The following RNPC3 variants were observed in gnomAD, a reference collection of about 807,000 sequenced individuals.
RNPC3 encodes the protein RNA binding region (RNP1, RRM) containing 3.
RNPC3 carries 48 observed loss-of-function variants against 67.5 expected under a neutral mutation model. The observed-to-expected ratio is 0.71, with a 90% CI of 0.56 to 0.90. The LOEUF (loss-of-function observed/expected upper bound fraction) is 0.90. Ranked by LOEUF, RNPC3 falls within the 40% of genes least tolerant of loss-of-function variation. RNPC3 has a pLI of 0.00. For synonymous variants in RNPC3, 239 were observed against 210.3 expected (o/e 1.14, Z -1.18); for missense variants, 637 against 626.1 (o/e 1.02, Z -0.19).
intron 5 of RNPC3, 85 bp from the exon 6 acceptor site, chr1:103,536,041 T>C: frequency 2.0e-6 from 2 of 994,014 alleles, no homozygotes; most frequent in Admixed American, 2.1e-5. Flanking sequence ...ATAAATAGTG[T>C]TATAGCAAAG....
In RNPC3 at chr1:103,533,855, AAG is replaced by A; in HGVS notation, c.358_359del (p.Arg120ValfsTer2). On this transcript the variant is annotated frameshift_variant and splice_region_variant, in exon 3 of 15. Transcript: ENST00000423855. LOFTEE classifies it high-confidence loss of function. ...CPTSGSEKKK[R>X]SDDPVEDDKE... The stretch of plus-strand genomic sequence containing the variant: ...CCACTTCAGGCTCTGAAAAAAAAAA[AAG>A]GTATGTAGATCAGTAAATCATACAT... The A allele has an allele frequency of 1.4e-6, 2 of 1,420,402 alleles. No homozygotes were observed. Among genetic ancestry groups the A allele is most frequent in the Non-Finnish European group, 1.9e-6 (2 of 1,043,422 alleles). 88.0% of individuals were successfully genotyped at this position (1,420,402 alleles called of 1,614,324 possible).
chr1:103,551,029 A>G lies in RNPC3; in HGVS notation c.1450A>G (p.Lys484Glu), dbSNP rs761776636. The change falls in exon 13 of 15, where the codon AAG becomes GAG. Residue 484 changes from lysine to glutamate, a missense_variant. Physicochemically the swap from Lys to Glu is moderately conservative, Grantham distance 56. This residue lies in a region of RNPC3 where 96 missense variants were observed against 105.8 expected (regional missense o/e 0.91). Transcript: ENST00000423855. ...TGAAAAAGCAGCAGCAAAAGCCTTA[A>G]AGGAAGCTAATGGATATGTGCTTTT... The part of the protein sequence containing the change: ...PNEKAAAKAL[K>E]EANGYVLFGK... 1.2e-6 allele frequency: 2 copies of G among 1,612,692 alleles called. No homozygotes were observed. The highest frequency in any genetic ancestry group is 2.2e-5 in the South Asian group (2 of 91,004).
At chr1:103,530,142 ATT>A (rs1255927008) in intron 2 of RNPC3, among the ~76,000 whole-genome samples, 1 of 149,174 alleles carries the variant, frequency 6.7e-6, no homozygotes, top group Non-Finnish European at 1.5e-5. Context: ...GTTCAAAAAT[ATT>A]AAGTACCTAC....
rs1183863166 is a variant in RNPC3 at position 103,554,577 on chromosome 1, A to G, written c.*13-457A>G. 4 of 152,616 alleles carry G rather than the reference A, an allele frequency of 2.6e-5. No homozygotes were observed. The East Asian group carries it at 7.7e-4, about 29-fold the overall frequency. 9.5% of individuals were successfully genotyped at this position (152,616 alleles called of 1,614,324 possible). A position where few individuals can be genotyped will look rare whatever the true frequency, so the allele number is the denominator to read the frequency against. Reference sequence around the variant, plus strand: ...GAATCTCTGGGAATGGAGTATAACAATCAGATTTGAAAAGGTTTCTTTAGT... The same window carrying G: ...GAATCTCTGGGAATGGAGTATAACAGTCAGATTTGAAAAGGTTTCTTTAGT... On this transcript the variant is annotated intron_variant, in intron 14 of 14. Coordinates refer to ENST00000423855, the MANE Select transcript of RNPC3 (RefSeq NM_017619.4).
At chr1:103,537,234 A>C (rs1258159391) in intron 6 of RNPC3, 108 bp from the exon 7 acceptor site, 9 of 795,374 alleles carry the variant, frequency 1.1e-5, no homozygotes, top group Non-Finnish European at 1.7e-5. Context: ...AATGTGTTAA[A>C]AAAAAAAAAA....
At chr1:103,544,112 C>G (rs1651188157) in intron 9 of RNPC3, among the ~76,000 whole-genome samples, 1 of 151,626 alleles carries the variant, frequency 6.6e-6, no homozygotes, top group Non-Finnish European at 1.5e-5. Context: ...CTCCTGTGTC[C>G]TACTACCTAA....
At chr1:103,537,727 T>C (rs1043595608) in intron 7 of RNPC3, among the ~76,000 whole-genome samples, 2 of 152,206 alleles carry the variant, frequency 1.3e-5, no homozygotes, top group African/African-American at 4.8e-5. Context: ...ATTATGGTAT[T>C]ATAAAGTACG....
intron 14 of RNPC3, 63 bp downstream of exon 14, chr1:103,551,855 A>C (rs1247223414): frequency 4.3e-6 from 4 of 922,938 alleles, no homozygotes; most frequent in Non-Finnish European, 6.4e-6. Flanking sequence ...TTAAGAATAA[A>C]AGTTTGACAA....
intron 2 of RNPC3, among the ~76,000 whole-genome samples, chr1:103,528,724 G>A (rs1650773062): frequency 6.6e-6 from 1 of 152,118 alleles, no homozygotes; most frequent in Admixed American, 6.5e-5. Flanking sequence ...AGAATGGAAA[G>A]ATTCTTCAAC....
At chr1:103,554,790 T>C (rs887224490) in intron 14 of RNPC3, 1 of 152,640 alleles carries the variant, frequency 6.6e-6, no homozygotes, top group Non-Finnish European at 1.5e-5. Flanking sequence ...ATTCGGTTAT[T>C]ATCACCTTAA....
At chr1:103,550,233 C>T (rs1651353564) in intron 12 of RNPC3, among the ~76,000 whole-genome samples, 1 of 151,780 alleles carries the variant, frequency 6.6e-6, no homozygotes, top group Non-Finnish European at 1.5e-5. Context: ...GCTGTTAATC[C>T]TTTCTATTTT....
intron 7 of RNPC3, among the ~76,000 whole-genome samples, chr1:103,540,057 G>A (rs1309262487): frequency 6.6e-6 from 1 of 152,098 alleles, no homozygotes; most frequent in Non-Finnish European, 1.5e-5. Context: ...TGTAGAGATA[G>A]GGTTTCACCA....
rs749052423 is a variant in RNPC3, at chr1:103,533,769, T to A, written c.271T>A (p.Leu91Ile). ...ALTRLHQLKL[L>I]GHTLVVEFAK... is the part of the protein sequence containing the mutation. ...GACAAGACTCCATCAACTGAAACTT[T>A]TAGGTCATACTTTAGTCGTTGAATT... The change falls in exon 3 of 15, where the codon TTA becomes ATA. Residue 91 changes from leucine to isoleucine, a missense_variant. Physicochemically the swap from Leu to Ile is conservative, Grantham distance 5. This residue lies in a region of RNPC3 where 536 missense variants were observed against 500.3 expected (regional missense o/e 1.07). Coordinates refer to ENST00000423855, the MANE Select transcript of RNPC3 (RefSeq NM_017619.4). 2.0e-4 allele frequency: 300 copies of A among 1,534,336 alleles called. 1 individual carries two copies. The highest frequency in any genetic ancestry group is 2.4e-4 in the Non-Finnish European group (273 of 1,144,756).
intron 1 of RNPC3, among the ~76,000 whole-genome samples, chr1:103,527,325 G>A (rs1271661513): frequency 2.0e-5 from 3 of 152,154 alleles, no homozygotes; most frequent in Admixed American, 1.3e-4. Flanking sequence ...TTTAAACTAC[G>A]CATTGTTATG....
chr1:103,548,181 A>G (rs538067426), intron 12 of RNPC3, among the ~76,000 whole-genome samples: 20 of 152,110 alleles, frequency 1.3e-4, no homozygotes, highest in Non-Finnish European at 2.8e-4. Context: ...CTGGAGACAT[A>G]TTCCTCATTT....
intron 1 of RNPC3, 28 bp downstream of exon 1, chr1:103,526,290 C>CG: frequency 6.0e-6 from 9 of 1,496,412 alleles, no homozygotes; most frequent in Non-Finnish European, 8.1e-6. Context: ...CGGAGTCTCC[C>CG]GGGAAGGCAT....
In RNPC3 at chr1:103,534,798, T is replaced by C. The variant is rs1239749629; in HGVS notation, c.384T>C (p.Asp128=). 1.3e-6 allele frequency: 2 copies of C among 1,531,428 alleles called. No individual in the cohort carries two copies. The highest frequency in any genetic ancestry group is 2.8e-5 in the African/African-American group (2 of 72,722). The allele number at this position is 1,531,428 out of a possible 1,614,324, so 94.9% of individuals were successfully genotyped here. A position where few individuals can be genotyped will look rare whatever the true frequency, so the allele number is the denominator to read the frequency against. Residue 128 remains aspartate, a synonymous_variant, in exon 4 of 15, where the codon GAT becomes GAC. Transcript: ENST00000423855. ...GGTCTGATGACCCTGTCGAAGATGA[T>C]AAAGAAAAAAAAGAACTTGGTTATT... ...KKRSDDPVED[D]KEKKELGYLT...
At chr1:103,534,730 A>G (rs1650940369) in intron 3 of RNPC3, 44 bp from the exon 4 acceptor site, 2 of 1,108,142 alleles carry the variant, frequency 1.8e-6, no homozygotes, top group East Asian at 5.6e-5. Flanking sequence ...GCAGTTTTTC[A>G]CCCTTTGGAA....
intron 2 of RNPC3, among the ~76,000 whole-genome samples, chr1:103,531,199 T>G (rs1240472151): frequency 6.6e-6 from 1 of 152,198 alleles, no homozygotes; most frequent in Non-Finnish European, 1.5e-5. Context: ...GACTGAGTAG[T>G]ATTCCATGTT....
Sources: allele counts gnomAD v4.1 joint callset (sites outside exome capture counted in the v4.1 genomes callset), GRCh38; gene constraint gnomAD v4.1.1; regional missense constraint gnomAD v4.1.1; transcripts MANE v1.5; gene names NCBI Gene and HGNC (gene_info 2026-07-23, HGNC 2026-07-21).